SDCCAG8: variants seen among roughly 807,000 people sequenced by gnomAD.
The protein encoded by SDCCAG8 is serologically defined colon cancer antigen 8.
In SDCCAG8, 74 loss-of-function variants were observed where a neutral mutation model predicts 101.8. The ratio of observed to expected loss-of-function variants is 0.73; its 90% CI spans 0.60 to 0.88. SDCCAG8 has a LOEUF of 0.88. SDCCAG8 is among the 40% of genes least tolerant of loss of function. The probability of loss-of-function intolerance (pLI) is 0.00; values close to 1 mark genes in which losing one functional copy is unlikely to be tolerated. For synonymous variants in SDCCAG8, 281 were observed against 292.9 expected, an observed-to-expected ratio of 0.96 and a Z score of 0.41; for missense variants, 787 against 822.6, an observed-to-expected ratio of 0.96 and a Z score of 0.53.
At chr1:243,498,675 T>C (rs1391993245) in intron 17 of SDCCAG8, among the ~76,000 whole-genome samples, 1 of 152,272 alleles carries the variant, frequency 6.6e-6, no homozygotes, top group Non-Finnish European at 1.5e-5. Flanking sequence ...CATATATTTC[T>C]CTTGAATGCG....
Position 243,428,436 on chromosome 1 carries a change from G to A in SDCCAG8, c.1985+1878G>A, listed in dbSNP as rs188926180. ...TTTCATAACTGTCTAATTAATTATA[G>A]TTGACCCTTAAACAACACAGATTTG... On this transcript the variant is annotated intron_variant, in intron 16 of 17. Transcript: ENST00000366541. Among the ~76,000 whole-genome samples, 94 of 152,252 alleles carry A rather than the reference G, an allele frequency of 6.2e-4. 1 individual carries two copies. In the East Asian group the frequency reaches 0.016, roughly 26 times the overall value.
At chr1:243,324,756 A>C (rs1320387857) in intron 9 of SDCCAG8, among the ~76,000 whole-genome samples, 7 of 152,190 alleles carry the variant, frequency 4.6e-5, no homozygotes, top group Non-Finnish European at 8.8e-5. Flanking sequence ...CCTGAGTTAT[A>C]AATCTCCCTG....
intron 12 of SDCCAG8, among the ~76,000 whole-genome samples, chr1:243,348,202 A>ATTTTTTTTTTTT (rs74162279): frequency 3.0e-5 from 4 of 131,652 alleles, no homozygotes; most frequent in African/African-American, 1.2e-4. Flanking sequence ...CGCCCGGCTA[A>ATTTTTTTTTTTT]TTTTTTTTTT....
intron 16 of SDCCAG8, among the ~76,000 whole-genome samples, chr1:243,480,426 A>G (rs1468240049): frequency 4.4e-5 from 1 of 22,846 alleles, no homozygotes; most frequent in Non-Finnish European, 7.9e-5. Flanking sequence ...GGATGGGTGG[A>G]TGGGTGGATG....
chr1:243,356,305 G>T (rs1558345812), intron 12 of SDCCAG8, among the ~76,000 whole-genome samples: 1 of 151,158 alleles, frequency 6.6e-6, no homozygotes, highest in Non-Finnish European at 1.5e-5. Flanking sequence ...GAAGTTTGAA[G>T]TATCTCAATG....
At chr1:243,384,931 A>G (rs1483766274) in intron 13 of SDCCAG8, among the ~76,000 whole-genome samples, 1 of 152,232 alleles carries the variant, frequency 6.6e-6, no homozygotes, top group Non-Finnish European at 1.5e-5. Context: ...TTTCCATAAC[A>G]GACTTTCAGG....
intron 16 of SDCCAG8, among the ~76,000 whole-genome samples, chr1:243,449,062 G>A (rs1026364933): frequency 2.6e-5 from 4 of 152,152 alleles, no homozygotes; most frequent in Non-Finnish European, 5.9e-5. Flanking sequence ...AAAATCTATA[G>A]TTTTATTGTA....
At position 243,416,287 on chromosome 1, in the gene SDCCAG8, G is replaced by A. The variant is rs567972589; in HGVS notation, c.1744+458G>A. On this transcript the variant is annotated intron_variant, in intron 14 of 17. Coordinates refer to ENST00000366541, the MANE Select transcript of SDCCAG8 (RefSeq NM_006642.5). The surrounding 1 kb of genome is among the most constrained non-coding windows in gnomAD (Gnocchi z 4.3). ...TACACACATTATAGCTACTCTAAAA[G>A]CCTAATGAGTTTGCTTCAGCATCCA... Among the ~76,000 whole-genome samples, 3 of 152,270 alleles carry A rather than the reference G, an allele frequency of 2.0e-5. No homozygotes were observed. Among genetic ancestry groups the A allele is most frequent in the Admixed American group, 6.5e-5 (1 of 15,280 alleles).
At chr1:243,288,053 G>T (rs1159170479) in intron 5 of SDCCAG8, among the ~76,000 whole-genome samples, 1 of 152,160 alleles carries the variant, frequency 6.6e-6, no homozygotes, top group Admixed American at 6.5e-5. Flanking sequence ...TATAATGCAG[G>T]TATTGAAATG....
At chr1:243,447,654 A>G (rs891979879) in intron 16 of SDCCAG8, among the ~76,000 whole-genome samples, 5 of 152,246 alleles carry the variant, frequency 3.3e-5, no homozygotes, top group African/African-American at 1.2e-4. Context: ...AAAGGTTTGC[A>G]TGATATCTTA....
intron 9 of SDCCAG8, among the ~76,000 whole-genome samples, chr1:243,328,242 TAA>T (rs776163166): frequency 2.6e-4 from 39 of 151,966 alleles, no homozygotes; most frequent in Non-Finnish European, 4.9e-4. Context: ...GGTTACACGC[TAA>T]GAGACATCAG....
chr1:243,401,141 G>A (rs1359440002), intron 13 of SDCCAG8, among the ~76,000 whole-genome samples: 3 of 152,182 alleles, frequency 2.0e-5, no homozygotes, highest in African/African-American at 7.2e-5. Context: ...CTGGAATTGT[G>A]ATTCTCATGA....
intron 11 of SDCCAG8, 128 bp downstream of exon 11, chr1:243,341,301 A>G: frequency 2.0e-6 from 2 of 1,021,922 alleles, no homozygotes; most frequent in Non-Finnish European, 1.4e-6. Flanking sequence ...TGTGATTTCA[A>G]GAATAATAAA....
At position 243,298,076 on chromosome 1, in the gene SDCCAG8, TCTCA is replaced by T. The variant is rs1205040231; in HGVS notation, c.675+4861_675+4864del. On this transcript the variant is annotated intron_variant, in intron 6 of 17. Transcript: ENST00000366541. ...TTTTTTTTTTTTTTTTAAGACGGAG[TCTCA>T]CTCTGTCACCCAGGCTGGAGTGCAG... 2.7e-5 allele frequency among the ~76,000 whole-genome samples: 4 copies of T among 148,450 alleles called. No individual in the cohort carries two copies. The Admixed American group carries it at 2.7e-4, about 10-fold the overall frequency.
At chr1:243,327,159 A>G (rs1278375766) in intron 9 of SDCCAG8, among the ~76,000 whole-genome samples, 1 of 152,046 alleles carries the variant, frequency 6.6e-6, no homozygotes, top group Non-Finnish European at 1.5e-5. Flanking sequence ...GGACTTGGGA[A>G]CTACTGAGAG....
At chr1:243,488,567 C>T (rs1665569697) in intron 16 of SDCCAG8, 1 of 218,002 alleles carries the variant, frequency 4.6e-6, no homozygotes, top group African/African-American at 2.3e-5. Flanking sequence ...TGCCGGAGCT[C>T]GTGATTGACT....
intron 12 of SDCCAG8, among the ~76,000 whole-genome samples, chr1:243,345,834 G>A (rs1394466513): frequency 2.0e-5 from 3 of 152,164 alleles, no homozygotes; most frequent in Admixed American, 6.5e-5. Context: ...TAATTAATCC[G>A]TGATGGTATG....
chr1:243,444,119 A>G (rs1160605176), intron 16 of SDCCAG8, among the ~76,000 whole-genome samples: 1 of 152,206 alleles, frequency 6.6e-6, no homozygotes, highest in Non-Finnish European at 1.5e-5. Flanking sequence ...ATGTTTCTAT[A>G]TGAGCCTAGT....
chr1:243,461,727 C>A (rs562554722), intron 16 of SDCCAG8, among the ~76,000 whole-genome samples: 1 of 152,040 alleles, frequency 6.6e-6, no homozygotes, highest in African/African-American at 2.4e-5. Flanking sequence ...ACTATTGGTG[C>A]GTCTAAATGT....
Sources: allele counts gnomAD v4.1 joint callset (sites outside exome capture counted in the v4.1 genomes callset), GRCh38; gene constraint gnomAD v4.1.1; non-coding constraint Gnocchi (gnomAD v3.1); transcripts MANE v1.5; gene names NCBI Gene and HGNC (gene_info 2026-07-23, HGNC 2026-07-21).